The following ANKRD33B variants were observed in gnomAD, a reference collection of about 807,000 sequenced individuals.
ANKRD33B encodes the protein ankyrin repeat domain 33B, also known as ankyrin repeat domain-containing protein 33B.
Under a neutral mutation model 21.5 loss-of-function variants are expected in ANKRD33B, and 6 were observed. That is an observed-to-expected ratio of 0.28 (90% CI 0.15 to 0.55). The LOEUF (loss-of-function observed/expected upper bound fraction) is 0.55, where lower values mean the gene tolerates loss of function less well. Among genes scored for constraint, ANKRD33B ranks in the 20% least tolerant of loss-of-function variants. The pLI is 0.94. For missense variants in ANKRD33B, 698 were observed against 747.2 expected, an observed-to-expected ratio of 0.93 and a Z score of 0.77; for synonymous variants, 347 against 342.4, an observed-to-expected ratio of 1.01 and a Z score of -0.15.
At chr5:10,604,634 G>A (rs890403858) in intron 1 of ANKRD33B, among the ~76,000 whole-genome samples, 2 of 151,644 alleles carry the variant, frequency 1.3e-5, no homozygotes, top group African/African-American at 2.4e-5. Context: ...ATCTAATCTC[G>A]CTGCACCTAA....
intron 1 of ANKRD33B, among the ~76,000 whole-genome samples, chr5:10,592,082 G>A (rs923245842): frequency 6.6e-6 from 1 of 150,866 alleles, no homozygotes; most frequent in Non-Finnish European, 1.5e-5. Context: ...TGGTGTGTGT[G>A]TGTGTGTGTG....
intron 1 of ANKRD33B, among the ~76,000 whole-genome samples, chr5:10,615,382 G>C (rs1299906586): frequency 2.0e-5 from 3 of 152,186 alleles, no homozygotes; most frequent in Non-Finnish European, 4.4e-5. Context: ...CTTAGCTCTA[G>C]GGCTTTTCAT....
Position 10,564,842 on chromosome 5 carries a change from G to A in ANKRD33B, c.366+9G>A, listed in dbSNP as rs1238872913. The A allele has an allele frequency of 1.7e-5, 25 of 1,489,028 alleles. No individual in the cohort carries two copies. In the South Asian group the frequency reaches 2.7e-4, roughly 16 times the overall value. 92.2% of individuals were successfully genotyped at this position (1,489,028 alleles called of 1,614,324 possible). A position where few individuals can be genotyped will look rare whatever the true frequency, so the allele number is the denominator to read the frequency against. On this transcript the variant is annotated intron_variant, in intron 1 of 3. Transcript: ENST00000296657. ...CTGACCGCAACGGCAGGGTAAGCGGGCGTCCCCGCAGGATTTGAGCCCCCT... is the reference window on the plus strand; with the variant it reads ...CTGACCGCAACGGCAGGGTAAGCGGACGTCCCCGCAGGATTTGAGCCCCCT...
chr5:10,579,853 A>G (rs10059674), intron 1 of ANKRD33B, among the ~76,000 whole-genome samples: 6,742 of 152,274 alleles, frequency 0.044, 386 homozygotes, highest in African/African-American at 0.13. Flanking sequence ...ATACCATACA[A>G]TTTAACCGTT....
rs138099482 is a variant in ANKRD33B at position 10,565,181 on chromosome 5, G to A, written c.366+348G>A. On this transcript the variant is annotated intron_variant, in intron 1 of 3. Coordinates refer to ENST00000296657, the MANE Select transcript of ANKRD33B (RefSeq NM_001164440.2). The stretch of plus-strand genomic sequence containing the variant: ...TGCAATCCAGGATGGGCTTCTTGCG[G>A]CCCGGTCCCCTCCTGACTATTACCT... Among the ~76,000 whole-genome samples the A allele has an allele frequency of 5.3e-5, 8 of 152,354 alleles. No homozygotes were observed. The East Asian group carries it at 1.5e-3, about 29-fold the overall frequency.
At chr5:10,575,395 G>A (rs1433999526) in intron 1 of ANKRD33B, among the ~76,000 whole-genome samples, 10 of 145,354 alleles carry the variant, frequency 6.9e-5, no homozygotes, top group African/African-American at 7.7e-5. Flanking sequence ...CACTCCACTC[G>A]AGCCTGGCAA....
rs148918673 is a variant in ANKRD33B, at chr5:10,628,036, C to T, written c.496+9574C>T. On this transcript the variant is annotated intron_variant, in intron 2 of 3. Coordinates refer to ENST00000296657, the MANE Select transcript of ANKRD33B (RefSeq NM_001164440.2). Reference sequence around the variant, plus strand: ...GAATTCCTGGAGTCTGTTCATGCCGCGTGGCTGGTATGATGTCATATTTCC... The same window carrying T: ...GAATTCCTGGAGTCTGTTCATGCCGTGTGGCTGGTATGATGTCATATTTCC... The T allele has an allele frequency of 6.7e-3, 1,028 of 152,440 alleles. 19 individuals are homozygous for T. The highest frequency in any genetic ancestry group is 0.024 in the African/African-American group (977 of 41,560). 9.4% of individuals were successfully genotyped at this position (152,440 alleles called of 1,614,324 possible). A position where few individuals can be genotyped will look rare whatever the true frequency, so the allele number is the denominator to read the frequency against.
chr5:10,637,327 A>C (rs1342817451), intron 2 of ANKRD33B, among the ~76,000 whole-genome samples: 1 of 151,682 alleles, frequency 6.6e-6, no homozygotes, highest in Non-Finnish European at 1.5e-5. Context: ...AAAGGGGAGA[A>C]ATCTGTGTTC....
chr5:10,649,208 G>A, intron 3 of ANKRD33B, 58 bp from the exon 4 acceptor site: 1 of 1,473,816 alleles, frequency 6.8e-7, no homozygotes, highest in Non-Finnish European at 9.0e-7. Flanking sequence ...GGCTCTGCCT[G>A]GGAGGGAAGA....
At chr5:10,597,054 A>T (rs1210384046) in intron 1 of ANKRD33B, among the ~76,000 whole-genome samples, 1 of 152,192 alleles carries the variant, frequency 6.6e-6, no homozygotes, top group Non-Finnish European at 1.5e-5. Flanking sequence ...GTAGCACTAA[A>T]TATGGAAAGG....
At chr5:10,637,462 A>ACACGG (rs1491289427) in intron 2 of ANKRD33B, among the ~76,000 whole-genome samples, 5 of 114,578 alleles carry the variant, frequency 4.4e-5, no homozygotes, top group African/African-American at 1.6e-4. Context: ...ACACACACAC[A>ACACGG]CGGCGGCGGG....
At chr5:10,642,138 G>T (rs535063934) in intron 3 of ANKRD33B, among the ~76,000 whole-genome samples, 3 of 152,162 alleles carry the variant, frequency 2.0e-5, no homozygotes, top group Non-Finnish European at 4.4e-5. Flanking sequence ...TAGGTCAGTT[G>T]CCCTCTAATC....
intron 3 of ANKRD33B, among the ~76,000 whole-genome samples, chr5:10,648,714 G>A (rs1335654580): frequency 3.3e-5 from 5 of 152,078 alleles, no homozygotes; most frequent in African/African-American, 7.2e-5. Flanking sequence ...AACGGAGATT[G>A]TGCCATTGCA....
At chr5:10,571,253 G>A (rs1319137333) in intron 1 of ANKRD33B, among the ~76,000 whole-genome samples, 2 of 152,138 alleles carry the variant, frequency 1.3e-5, no homozygotes, top group African/African-American at 4.8e-5. Flanking sequence ...CCAGGCTGGA[G>A]TGCAGTGGTG....
At position 10,607,654 on chromosome 5, in the gene ANKRD33B, G is replaced by A. The variant is rs77565323; in HGVS notation, c.367-10679G>A. On this transcript the variant is annotated intron_variant, in intron 1 of 3. Transcript: ENST00000296657. ...TTCACCAGCTTCTTCACAGACCGTC[G>A]CCCATACTTGAGTGAATCTTCCTCC... Among the ~76,000 whole-genome samples the A allele has an allele frequency of 8.4e-3, 1,283 of 152,302 alleles. 10 individuals carry two copies. Among genetic ancestry groups the A allele is most frequent in the Middle Eastern group, 0.051 (15 of 294 alleles).
chr5:10,612,291 A>G (rs114314756), intron 1 of ANKRD33B, among the ~76,000 whole-genome samples: 1,800 of 152,286 alleles, frequency 0.012, 32 homozygotes, highest in African/African-American at 0.041. Flanking sequence ...TGGGAAGTCC[A>G]AGATCATGGG....
chr5:10,589,516 A>G (rs1735638835), intron 1 of ANKRD33B, among the ~76,000 whole-genome samples: 1 of 152,210 alleles, frequency 6.6e-6, no homozygotes, highest in South Asian at 2.1e-4. Flanking sequence ...CAACTTGTCA[A>G]AAAATGACAC....
At chr5:10,591,896 G>T (rs1164974725) in intron 1 of ANKRD33B, among the ~76,000 whole-genome samples, 3 of 151,790 alleles carry the variant, frequency 2.0e-5, no homozygotes, top group Non-Finnish European at 2.9e-5. Context: ...TGATATAAGG[G>T]AATATTGTAT....
At chr5:10,582,716 C>G (rs571168449) in intron 1 of ANKRD33B, among the ~76,000 whole-genome samples, 31 of 152,324 alleles carry the variant, frequency 2.0e-4, no homozygotes, top group Non-Finnish European at 2.8e-4. Flanking sequence ...GGACCACACA[C>G]CTGTCCCTCC....
Sources: gnomAD v4.1 joint callset for allele counts (sites outside exome capture counted in the v4.1 genomes callset) on GRCh38, gnomAD v4.1.1 for gene constraint, MANE v1.5 for transcripts, NCBI Gene and HGNC (gene_info 2026-07-23, HGNC 2026-07-21) for gene names.